Variants in DDX1 observed in about 807,000 individuals in gnomAD.
The protein encoded by DDX1 is ATP-dependent RNA helicase DDX1.
In DDX1, 28 loss-of-function variants were observed where a neutral mutation model predicts 108.7. The ratio of observed to expected loss-of-function variants is 0.26; its 90% CI spans 0.19 to 0.35. The LOEUF (loss-of-function observed/expected upper bound fraction) is 0.35, where lower values mean the gene tolerates loss of function less well. Among genes scored for constraint, DDX1 ranks in the 10% least tolerant of loss-of-function variants. DDX1 has a pLI of 1.00. For missense variants in DDX1, 710 were observed against 884.5 expected, an observed-to-expected ratio of 0.80 and a Z score of 2.50; for synonymous variants, 295 against 288.9, an observed-to-expected ratio of 1.02 and a Z score of -0.21.
Position 15,617,274 on chromosome 2 carries a change from C to A in DDX1, c.1048C>A (p.Leu350Ile). ...TATAGTTGTAGGTACTCCGGGAAGA[C>A]TAGATGACTTGGTGTCAACTGGAAA... ...VDIVVGTPGR[L>I]DDLVSTGKLN... Residue 350 changes from leucine (L) to isoleucine (I), a missense_variant, in exon 15 of 26, where the codon CTA becomes ATA. Coordinates refer to ENST00000233084, the MANE Select transcript of DDX1 (RefSeq NM_004939.3). 1 of 1,592,806 alleles carries A rather than the reference C, an allele frequency of 6.3e-7. No individual in the cohort carries two copies. The highest frequency in any genetic ancestry group is 8.6e-7 in the Non-Finnish European group (1 of 1,167,182).
At chr2:15,595,029 G>A in intron 1 of DDX1, 116 bp from the exon 2 acceptor site, 1 of 717,722 alleles carries the variant, frequency 1.4e-6, no homozygotes, top group Non-Finnish European at 2.3e-6. Context: ...CAGTAGATTT[G>A]ATGTAACTGA....
In DDX1 at chr2:15,609,989, ACAGTGGTGCCT is replaced by A. The variant is rs551936337; in HGVS notation, c.956+2679_956+2689del. On this transcript the variant is annotated intron_variant, in intron 13 of 25. Transcript: ENST00000233084. ...CTCACTCTGTCACCTAGGCTGGAGT[ACAGTGGTGCCT>A]CATAGCTCACTGCAGTCTCAAACTC... is the stretch of plus-strand genomic sequence containing the variant. 1.8e-3 allele frequency among the ~76,000 whole-genome samples: 268 copies of A among 152,264 alleles called. 3 individuals are homozygous for A. Among genetic ancestry groups the A allele is most frequent in the African/African-American group, 6.2e-3 (259 of 41,546 alleles).
chr2:15,616,818 C>T (rs1438513796), intron 14 of DDX1, among the ~76,000 whole-genome samples: 3 of 152,122 alleles, frequency 2.0e-5, no homozygotes, highest in Non-Finnish European at 2.9e-5. Context: ...ATTATCACAA[C>T]CATCTTGAAA....
At chr2:15,608,066 A>G (rs996920194) in intron 13 of DDX1, among the ~76,000 whole-genome samples, 3 of 152,226 alleles carry the variant, frequency 2.0e-5, no homozygotes, top group African/African-American at 2.4e-5. Flanking sequence ...GAAGGATACC[A>G]TAAATTAAAG....
chr2:15,592,107 C>T (rs1665423154), intron 1 of DDX1, among the ~76,000 whole-genome samples, 158 bp downstream of exon 1: 1 of 152,234 alleles, frequency 6.6e-6, no homozygotes, highest in African/African-American at 2.4e-5. Flanking sequence ...GTTGCGGGAT[C>T]AGGGGCGGCC....
chr2:15,614,205 G>C (rs181395391), intron 14 of DDX1, among the ~76,000 whole-genome samples: 48 of 152,306 alleles, frequency 3.2e-4, no homozygotes, highest in Non-Finnish European at 2.8e-4. Context: ...ATAACTTACA[G>C]CTTATAAATT....
In DDX1 at chr2:15,591,902, G is replaced by T; in HGVS notation, c.-32G>T. 6.8e-7 allele frequency: 1 copy of T among 1,466,992 alleles called. No homozygotes were observed. The highest frequency in any genetic ancestry group is 1.3e-5 in the South Asian group (1 of 74,290). The allele number at this position is 1,466,992 out of a possible 1,614,324, so 90.9% of individuals were successfully genotyped here. A position where few individuals can be genotyped will look rare whatever the true frequency, so the allele number is the denominator to read the frequency against. On this transcript the variant is annotated 5_prime_UTR_variant, in exon 1 of 26. Coordinates refer to ENST00000233084, the MANE Select transcript of DDX1 (RefSeq NM_004939.3). ...CCGTGTCAGTCGGGAGGGAGGGAGC[G>T]AGCAGGCGAAGCCGCGGAGGACGGG...
At chr2:15,599,648 T>C (rs1558451382) in intron 5 of DDX1, 21 bp from the exon 6 acceptor site, 3 of 1,584,118 alleles carry the variant, frequency 1.9e-6, no homozygotes, top group Non-Finnish European at 2.6e-6. Flanking sequence ...TGGGTAACTT[T>C]TCTTATTTTA....
chr2:15,606,931 T>C (rs1665671621), intron 12 of DDX1, among the ~76,000 whole-genome samples: 1 of 152,160 alleles, frequency 6.6e-6, no homozygotes, highest in African/African-American at 2.4e-5. Flanking sequence ...CAAGTGATCG[T>C]CCCACCTTGG....
At chr2:15,624,536 C>T (rs924022054) in intron 19 of DDX1, among the ~76,000 whole-genome samples, 1 of 152,052 alleles carries the variant, frequency 6.6e-6, no homozygotes. Flanking sequence ...TAGGAAAAGC[C>T]CCTTATAAAA....
In DDX1 at chr2:15,617,187, A is replaced by C. The variant is rs989320836; in HGVS notation, c.1018-57A>C. On this transcript the variant is annotated intron_variant, in intron 14 of 25. Coordinates refer to ENST00000233084, the MANE Select transcript of DDX1 (RefSeq NM_004939.3). ...AAAGACAGTTATTGGTTGCTATTTT[A>C]ACGTAATTATACTGTTTCTTTAGTT... is the stretch of plus-strand genomic sequence containing the variant. 7 of 819,716 alleles carry C rather than the reference A, an allele frequency of 8.5e-6. No homozygotes were observed. In the African/African-American group the frequency reaches 1.1e-4, roughly 12 times the overall value. The allele number at this position is 819,716 out of a possible 1,614,324, so 50.8% of individuals were successfully genotyped here. A position where few individuals can be genotyped will look rare whatever the true frequency, so the allele number is the denominator to read the frequency against.
chr2:15,618,030 A>G, intron 15 of DDX1, 151 bp from the exon 16 acceptor site: 1 of 410,758 alleles, frequency 2.4e-6, no homozygotes, highest in Admixed American at 4.1e-5. Context: ...TATCCAACAA[A>G]ATAATTTTGA....
chr2:15,595,378 A>T, intron 2 of DDX1, 112 bp from the exon 3 acceptor site: 1 of 955,222 alleles, frequency 1.0e-6, no homozygotes, highest in Non-Finnish European at 1.6e-6. Context: ...GTGGAATAAG[A>T]TGGATCGTAT....
chr2:15,630,005 G>C lies in DDX1; in HGVS notation c.1987G>C (p.Glu663Gln). 1 of 1,604,164 alleles carries C rather than the reference G, an allele frequency of 6.2e-7. No homozygotes were observed. The highest frequency in any genetic ancestry group is 1.1e-5 in the South Asian group (1 of 87,668). The part of the protein sequence containing the change: ...YNEMQLLSEI[E>Q]EHLNCTISQV... ...CATTACTTAGTTACTATCTGAGATA[G>C]AAGAACACCTGAACTGTACCATTTC... Residue 663 changes from glutamate to glutamine, a missense_variant, in exon 25 of 26, where the codon GAA becomes CAA. By Grantham distance (29) the Glu-to-Gln change is conservative. This residue lies in a region of DDX1 where 661 missense variants were observed against 810.2 expected (regional missense o/e 0.82). Coordinates refer to ENST00000233084, the MANE Select transcript of DDX1 (RefSeq NM_004939.3).
chr2:15,613,353 T>C, intron 14 of DDX1, 69 bp downstream of exon 14: 1 of 1,108,428 alleles, frequency 9.0e-7, no homozygotes, highest in South Asian at 1.5e-5. Context: ...AGCTCTGTTT[T>C]GTTTCAAGAA....
intron 20 of DDX1, 154 bp downstream of exon 20, chr2:15,627,299 T>TA (rs1365655433): frequency 4.1e-6 from 2 of 491,384 alleles, no homozygotes; most frequent in Non-Finnish European, 7.2e-6. Flanking sequence ...TGACAGGAAT[T>TA]AGTCATTGTT....
chr2:15,610,863 T>A lies in DDX1; in HGVS notation c.957-2361T>A, dbSNP rs1573042887. Among the ~76,000 whole-genome samples, 5 of 16,496 alleles carry A rather than the reference T, an allele frequency of 3.0e-4. No individual in the cohort carries two copies. The South Asian group carries it at 0.016, about 54-fold the overall frequency. 10.8% of individuals were successfully genotyped at this position (16,496 alleles called of 152,430 possible). On this transcript the variant is annotated intron_variant, in intron 13 of 25. Coordinates refer to ENST00000233084, the MANE Select transcript of DDX1 (RefSeq NM_004939.3). The stretch of plus-strand genomic sequence containing the variant: ...TTGTTTCCCACCTTCCCCAGACTTG[T>A]TTTTTTTTTTATTTTTTATTTTTTA...
intron 5 of DDX1, 149 bp downstream of exon 5, chr2:15,597,620 T>G (rs1665523198): frequency 1.6e-6 from 1 of 609,276 alleles, no homozygotes; most frequent in Non-Finnish European, 2.9e-6. Context: ...AAACCAGGGA[T>G]GCTAAATGTT....
At chr2:15,621,360 G>A (rs1666003583) in intron 18 of DDX1, 2 of 417,342 alleles carry the variant, frequency 4.8e-6, no homozygotes, top group African/African-American at 4.2e-5. Context: ...AAGCTGGAGT[G>A]CAATGGCACA....
Sources: allele counts gnomAD v4.1 joint callset (sites outside exome capture counted in the v4.1 genomes callset), GRCh38; gene constraint gnomAD v4.1.1; regional missense constraint gnomAD v4.1.1; transcripts MANE v1.5; gene names NCBI Gene and HGNC (gene_info 2026-07-23, HGNC 2026-07-21).